The following LRRTM4 variants were observed in gnomAD, a reference collection of about 807,000 sequenced individuals.
LRRTM4 encodes leucine-rich repeat transmembrane neuronal protein 4.
Under a neutral mutation model 47.6 loss-of-function variants are expected in LRRTM4, and 25 were observed. The ratio of observed to expected loss-of-function variants is 0.53; its 90% CI spans 0.38 to 0.73. LRRTM4 has a LOEUF of 0.73. Among genes scored for constraint, LRRTM4 ranks in the 30% least tolerant of loss-of-function variants. The pLI, the probability that LRRTM4 is intolerant of heterozygous loss-of-function variation, is 0.00. For synonymous variants in LRRTM4, 311 were observed against 269.5 expected, an observed-to-expected ratio of 1.15 and a Z score of -1.51; for missense variants, 638 against 713.4, an observed-to-expected ratio of 0.89 and a Z score of 1.20.
rs1677824695 is a variant in LRRTM4, at chr2:77,484,183, T to G, written c.1551+34135A>C. 2.0e-5 allele frequency among the ~76,000 whole-genome samples: 3 copies of G among 152,238 alleles called. No homozygotes were observed. In the South Asian group the frequency reaches 6.2e-4, roughly 31 times the overall value. On this transcript the variant is annotated intron_variant, in intron 3 of 3. Transcript: ENST00000409884. ...ATTCACAGGCAGGCAGTTTGTATGT[T>G]TGAGACAGGAAGTCAGAGTTTGTGG...
At chr2:76,979,150 A>T (rs909585453) in intron 3 of LRRTM4, among the ~76,000 whole-genome samples, 1 of 152,046 alleles carries the variant, frequency 6.6e-6, no homozygotes, top group Non-Finnish European at 1.5e-5. Flanking sequence ...TTCTAGCATT[A>T]TCAGACATGC....
intron 3 of LRRTM4, among the ~76,000 whole-genome samples, chr2:77,217,703 C>T (rs1027141343): frequency 3.3e-5 from 5 of 151,554 alleles, no homozygotes; most frequent in African/African-American, 4.8e-5. Context: ...ATACCAATTA[C>T]AGATAAGTCA....
chr2:76,916,403 A>AAAAAAAAAAAAAAAAAAAAAG (rs1674251119), intron 3 of LRRTM4, among the ~76,000 whole-genome samples: 1 of 138,518 alleles, frequency 7.2e-6, no homozygotes, highest in African/African-American at 2.7e-5. Context: ...AAAAAAAAAA[A>AAAAAAAAAAAAAAAAAAAAAG]AAAAGAAAAG....
At chr2:76,936,998 A>G (rs1435691405) in intron 3 of LRRTM4, among the ~76,000 whole-genome samples, 1 of 146,422 alleles carries the variant, frequency 6.8e-6, no homozygotes, top group Non-Finnish European at 1.5e-5. Flanking sequence ...GCACATAAGT[A>G]TATGTGAAAA....
At chr2:77,436,826 TTC>T (rs1192589239) in intron 3 of LRRTM4, among the ~76,000 whole-genome samples, 3 of 151,984 alleles carry the variant, frequency 2.0e-5, no homozygotes, top group Non-Finnish European at 2.9e-5. Flanking sequence ...AGACAAATCT[TTC>T]TGTTACTCTT....
At chr2:77,011,051 C>G (rs944080984) in intron 3 of LRRTM4, among the ~76,000 whole-genome samples, 2 of 151,976 alleles carry the variant, frequency 1.3e-5, no homozygotes, top group African/African-American at 4.8e-5. Flanking sequence ...GTCAGAAGTA[C>G]TATGAGTAGC....
chr2:76,810,179 C>T lies in LRRTM4; in HGVS notation c.1552-61263G>A, dbSNP rs182479774. ...GAAAATGAGTGGCACTTCACACTCACTCACTAACTGATGAACAATTCTCCT... is the reference window on the plus strand; with the variant it reads ...GAAAATGAGTGGCACTTCACACTCATTCACTAACTGATGAACAATTCTCCT... On this transcript the variant is annotated intron_variant, in intron 3 of 3. Transcript: ENST00000409884. 3.7e-3 allele frequency among the ~76,000 whole-genome samples: 564 copies of T among 152,322 alleles called. 3 individuals carry two copies. Among genetic ancestry groups the T allele is most frequent in the Middle Eastern group, 0.01 (3 of 294 alleles).
intron 3 of LRRTM4, among the ~76,000 whole-genome samples, chr2:76,955,789 G>A (rs1253045047): frequency 6.6e-6 from 1 of 151,648 alleles, no homozygotes; most frequent in Non-Finnish European, 1.5e-5. Context: ...CCAAGAGTGG[G>A]CCCTCACCAG....
At chr2:76,942,944 T>G (rs1262553878) in intron 3 of LRRTM4, among the ~76,000 whole-genome samples, 2 of 152,170 alleles carry the variant, frequency 1.3e-5, no homozygotes, top group Non-Finnish European at 2.9e-5. Flanking sequence ...TCAAGATTAT[T>G]TATCATTTAG....
chr2:76,852,602 T>G (rs923564757), intron 3 of LRRTM4, among the ~76,000 whole-genome samples: 1 of 152,168 alleles, frequency 6.6e-6, no homozygotes, highest in Non-Finnish European at 1.5e-5. Flanking sequence ...ATAAAAAGAT[T>G]ATTTTTCTTG....
chr2:77,123,458 T>G (rs1332759862), intron 3 of LRRTM4, among the ~76,000 whole-genome samples: 2 of 152,066 alleles, frequency 1.3e-5, no homozygotes, highest in African/African-American at 2.4e-5. Flanking sequence ...TCCCCCATGT[T>G]TATGTATTCA....
chr2:77,293,241 T>C (rs1248765304), intron 3 of LRRTM4, among the ~76,000 whole-genome samples: 1 of 152,114 alleles, frequency 6.6e-6, no homozygotes, highest in East Asian at 1.9e-4. Flanking sequence ...GTTCTGACTA[T>C]AACCAAAAGT....
chr2:77,430,559 T>C (rs1675328895), intron 3 of LRRTM4, among the ~76,000 whole-genome samples: 1 of 149,480 alleles, frequency 6.7e-6, no homozygotes, highest in East Asian at 1.9e-4. Flanking sequence ...CTGTCTCTAC[T>C]AAAAATACAA....
At position 77,221,559 on chromosome 2, in the gene LRRTM4, C is replaced by G. The variant is rs558682414; in HGVS notation, c.1551+296759G>C. On this transcript the variant is annotated intron_variant, in intron 3 of 3. Coordinates refer to ENST00000409884, the MANE Select transcript of LRRTM4 (RefSeq NM_001134745.3). ...AAAAAAGGCAGGGGTTGCAATCCTA[C>G]TCTCTGATAAAACAGACTTTAAACC... Among the ~76,000 whole-genome samples, 515 of 151,680 alleles carry G rather than the reference C, an allele frequency of 3.4e-3. 6 individuals carry two copies. Among genetic ancestry groups the G allele is most frequent in the African/African-American group, 0.011 (468 of 41,356 alleles).
chr2:76,902,319 T>G (rs1008884989), intron 3 of LRRTM4, among the ~76,000 whole-genome samples: 1 of 152,190 alleles, frequency 6.6e-6, no homozygotes, highest in East Asian at 1.9e-4. Flanking sequence ...TTTTTATCTA[T>G]CTTTTTTTAA....
chr2:76,788,608 T>A (rs1411920851), intron 3 of LRRTM4, among the ~76,000 whole-genome samples: 11 of 152,148 alleles, frequency 7.2e-5, no homozygotes, highest in African/African-American at 2.2e-4. Context: ...TAATGCAAGT[T>A]TAAGCTTAGA....
At chr2:76,982,697 T>C (rs1009838485) in intron 3 of LRRTM4, among the ~76,000 whole-genome samples, 1 of 151,938 alleles carries the variant, frequency 6.6e-6, no homozygotes, top group Admixed American at 6.6e-5. Context: ...AAGCAAAGTC[T>C]GAAAGCCGAA....
intron 3 of LRRTM4, among the ~76,000 whole-genome samples, chr2:77,149,205 T>G (rs921466886): frequency 2.0e-5 from 3 of 152,084 alleles, no homozygotes; most frequent in African/African-American, 7.2e-5. Flanking sequence ...TTTTAAAATT[T>G]TAATATAAAA....
chr2:76,785,355 A>AGCATCAACTT (rs1674618376), intron 3 of LRRTM4, among the ~76,000 whole-genome samples: 1 of 152,170 alleles, frequency 6.6e-6, no homozygotes, highest in South Asian at 2.1e-4. Context: ...AGCAAAATAG[A>AGCATCAACTT]GCATCAACTT....
Sources: gnomAD v4.1 joint callset for allele counts (sites outside exome capture counted in the v4.1 genomes callset) on GRCh38, gnomAD v4.1.1 for gene constraint, MANE v1.5 for transcripts, NCBI Gene and HGNC (gene_info 2026-07-23, HGNC 2026-07-21) for gene names.